VDR: variants seen among roughly 807,000 people sequenced by gnomAD.
VDR encodes the protein vitamin D receptor.
Under a neutral mutation model 39.7 loss-of-function variants are expected in VDR, and 19 were observed. The ratio of observed to expected loss-of-function variants is 0.48; its 90% CI spans 0.33 to 0.70. The LOEUF (loss-of-function observed/expected upper bound fraction) is 0.70. Among genes scored for constraint, VDR ranks in the 30% least tolerant of loss-of-function variants. The pLI, the probability that VDR is intolerant of heterozygous loss-of-function variation, is 0.02. For synonymous variants in VDR, 242 were observed against 215.8 expected (o/e 1.12, Z -1.07); for missense variants, 442 against 570.5 (o/e 0.77, Z 2.29).
At chr12:47,877,283 C>T (rs1946027893) in intron 3 of VDR, among the ~76,000 whole-genome samples, 1 of 152,030 alleles carries the variant, frequency 6.6e-6, no homozygotes, top group East Asian at 1.9e-4. Flanking sequence ...GGCTGCGAGG[C>T]TTTTGTTTAT....
intron 4 of VDR, among the ~76,000 whole-genome samples, chr12:47,860,023 C>A (rs1945594956): frequency 1.3e-5 from 2 of 150,962 alleles, no homozygotes; most frequent in South Asian, 4.2e-4. Context: ...AGTGCAGTGG[C>A]ACCACCTCGG....
intron 7 of VDR, among the ~76,000 whole-genome samples, chr12:47,849,558 C>T (rs183870460): frequency 2.0e-4 from 30 of 152,348 alleles, no homozygotes; most frequent in African/African-American, 6.5e-4. Flanking sequence ...TCCTTTGAAC[C>T]ATAACTAATG....
chr12:47,846,338 G>T lies in VDR; in HGVS notation c.1021C>A (p.Pro341Thr). ...TCCTCCCTGCCTGGCCCCATACCTG[G>T]GGAGACGATGCAGATGGCCATGAGC... The part of the protein sequence containing the change: ...VLLMAICIVS[P>T]DRPGVQDAAL... Residue 341 changes from proline (P) to threonine (T), a missense_variant, in exon 9 of 10, where the codon CCA becomes ACA. Around this residue, in one of 5 missense-constraint regions of VDR, gnomAD observed 173 missense variants for 252.0 expected, o/e 0.69. Coordinates refer to ENST00000549336, the MANE Select transcript of VDR (RefSeq NM_000376.3). The T allele has an allele frequency of 6.2e-7, 1 of 1,607,244 alleles. No individual in the cohort carries two copies. The highest frequency in any genetic ancestry group is 2.2e-5 in the East Asian group (1 of 44,540).
intron 3 of VDR, among the ~76,000 whole-genome samples, chr12:47,875,940 G>A (rs952219936): frequency 6.6e-6 from 1 of 152,154 alleles, no homozygotes; most frequent in South Asian, 2.1e-4. Context: ...GGCACATCAC[G>A]GCCTTGCACT....
intron 1 of VDR, chr12:47,896,922 T>A (rs984660625): frequency 1.3e-5 from 2 of 152,148 alleles, no homozygotes; most frequent in African/African-American, 4.8e-5. Context: ...CCTGGCCAGA[T>A]TGGAACTGCC....
intron 1 of VDR, among the ~76,000 whole-genome samples, chr12:47,888,550 C>T (rs946678384): frequency 6.6e-6 from 1 of 152,216 alleles, no homozygotes; most frequent in African/African-American, 2.4e-5. Flanking sequence ...AATGGAAACT[C>T]TGCCCTTAGC....
In VDR at chr12:47,844,593, A is replaced by G. The variant is rs1454528596; in HGVS notation, c.*153T>C. Reference sequence around the variant, plus strand: ...CAGGAAAGGGGTTAGGTTGGACAGGAGAGAGAATGGGCTGGGTGGATAGGG... The same window carrying G: ...CAGGAAAGGGGTTAGGTTGGACAGGGGAGAGAATGGGCTGGGTGGATAGGG... On this transcript the variant is annotated 3_prime_UTR_variant, in exon 10 of 10. Coordinates refer to ENST00000549336, the MANE Select transcript of VDR (RefSeq NM_000376.3). 3 of 1,028,790 alleles carry G rather than the reference A, an allele frequency of 2.9e-6. No homozygotes were observed. The highest frequency in any genetic ancestry group is 4.3e-6 in the Non-Finnish European group (3 of 700,028). The allele number at this position is 1,028,790 out of a possible 1,614,324, so 63.7% of individuals were successfully genotyped here. A position where few individuals can be genotyped will look rare whatever the true frequency, so the allele number is the denominator to read the frequency against.
intron 4 of VDR, among the ~76,000 whole-genome samples, chr12:47,864,425 G>A (rs965310973): frequency 4.6e-5 from 7 of 152,198 alleles, no homozygotes; most frequent in African/African-American, 1.4e-4. Context: ...TCTGGATTCA[G>A]AGGGTCGTCC....
chr12:47,887,322 C>CA (rs10686139), intron 1 of VDR, among the ~76,000 whole-genome samples: 15,008 of 71,910 alleles, frequency 0.21, 2,034 homozygotes, highest in Middle Eastern at 0.32. Flanking sequence ...AACTCCGTCT[C>CA]AAAAAAAAAA....
At chr12:47,866,467 GT>G (rs1945739354) in intron 3 of VDR, among the ~76,000 whole-genome samples, 1 of 152,338 alleles carries the variant, frequency 6.6e-6, no homozygotes, top group Admixed American at 6.5e-5. Context: ...GCTATGAGAA[GT>G]AAGGATGCTA....
At chr12:47,890,041 C>T (rs1419870873) in intron 1 of VDR, among the ~76,000 whole-genome samples, 2 of 151,724 alleles carry the variant, frequency 1.3e-5, no homozygotes, top group Non-Finnish European at 2.9e-5. Context: ...GGATTTAGTA[C>T]AGTTATGCTC....
chr12:47,869,706 C>T (rs1220880306), intron 3 of VDR, among the ~76,000 whole-genome samples: 2 of 152,002 alleles, frequency 1.3e-5, no homozygotes, highest in East Asian at 3.9e-4. Context: ...ACCAACCTGG[C>T]CAACATGGTG....
At position 47,878,181 on chromosome 12, in the gene VDR, A is replaced by G. The variant is rs1946046319; in HGVS notation, c.146+787T>C. Among the ~76,000 whole-genome samples the G allele has an allele frequency of 2.6e-5, 4 of 152,234 alleles. No homozygotes were observed. The South Asian group carries it at 8.3e-4, about 32-fold the overall frequency. ...TCCAGTCTAGACCGCTAGACAGAAG[A>G]TCTGTTTTGGCTGCCTTCTTTCAGG... On this transcript the variant is annotated intron_variant, in intron 3 of 9. Transcript: ENST00000549336.
intron 4 of VDR, among the ~76,000 whole-genome samples, chr12:47,863,208 G>A (rs865895084): frequency 2.6e-5 from 4 of 152,162 alleles, no homozygotes; most frequent in Admixed American, 6.5e-5. Context: ...AGGTAGGAGG[G>A]GACATGAAGT....
chr12:47,879,444 C>T (rs1023149791), intron 2 of VDR, among the ~76,000 whole-genome samples: 8 of 152,208 alleles, frequency 5.3e-5, no homozygotes, highest in African/African-American at 1.4e-4. Flanking sequence ...TGTTTTACTT[C>T]CAGGGTGTAA....
intron 3 of VDR, among the ~76,000 whole-genome samples, chr12:47,877,446 G>T (rs1272037629): frequency 1.3e-5 from 2 of 152,098 alleles, no homozygotes; most frequent in African/African-American, 4.8e-5. Flanking sequence ...TAGCAGAGGG[G>T]GTGGATATCA....
chr12:47,898,499 C>T (rs943177099), intron 1 of VDR: 1 of 152,676 alleles, frequency 6.5e-6, no homozygotes, highest in African/African-American at 2.4e-5. Context: ...GCAATTCCAA[C>T]CCTAGGTATG....
At chr12:47,863,781 G>C (rs180857483) in intron 4 of VDR, among the ~76,000 whole-genome samples, 3 of 152,188 alleles carry the variant, frequency 2.0e-5, no homozygotes, top group Non-Finnish European at 2.9e-5. Context: ...CAGATCAGGA[G>C]GGAGGAGTCA....
rs755911322 is a variant in VDR at position 47,844,567 on chromosome 12, G to T, written c.*179C>A. On this transcript the variant is annotated 3_prime_UTR_variant, in exon 10 of 10. Transcript: ENST00000549336. ...GTCTCAAGGGACCGGGGAAAAGCCC[G>T]CAGGAAAGGGGTTAGGTTGGACAGG... 1.5e-4 allele frequency: 125 copies of T among 827,740 alleles called. No homozygotes were observed. Among genetic ancestry groups the T allele is most frequent in the Non-Finnish European group, 1.8e-4 (97 of 538,830 alleles). The allele number at this position is 827,740 out of a possible 1,614,324, so 51.3% of individuals were successfully genotyped here.
Sources: gnomAD v4.1 joint callset for allele counts (sites outside exome capture counted in the v4.1 genomes callset) on GRCh38, gnomAD v4.1.1 for gene constraint, gnomAD v4.1.1 regional missense constraint, MANE v1.5 for transcripts, NCBI Gene and HGNC (gene_info 2026-07-23, HGNC 2026-07-21) for gene names.